GNAI3: variants seen among roughly 807,000 people sequenced by gnomAD.
The protein encoded by GNAI3 is guanine nucleotide-binding protein G(i) subunit alpha-3.
GNAI3 carries 12 observed loss-of-function variants against 41.8 expected under a neutral mutation model. The ratio of observed to expected loss-of-function variants is 0.29; its 90% confidence interval spans 0.18 to 0.47. GNAI3 has a LOEUF of 0.47. GNAI3 is among the 20% of genes least tolerant of loss of function. The pLI, the probability that GNAI3 is intolerant of heterozygous loss-of-function variation, is 1.00. For synonymous variants in GNAI3, 132 were observed against 146.5 expected (o/e 0.90, Z 0.71); for missense variants, 360 against 429.6 (o/e 0.84, Z 1.43).
At chr1:109,571,747 G>T (rs1197442197) in intron 1 of GNAI3, among the ~76,000 whole-genome samples, 2 of 151,998 alleles carry the variant, frequency 1.3e-5, no homozygotes, top group Non-Finnish European at 2.9e-5. Context: ...GTGAAACCCC[G>T]TCTCTACTAA....
rs572667250 is a variant in GNAI3 at position 109,573,642 on chromosome 1, G to A, written c.119-95G>A. The A allele has an allele frequency of 1.7e-4, 176 of 1,031,720 alleles. 1 individual carries two copies. The highest frequency in any genetic ancestry group is 1.6e-3 in the South Asian group (118 of 73,854). 63.9% of individuals were successfully genotyped at this position (1,031,720 alleles called of 1,614,324 possible). A position where few individuals can be genotyped will look rare whatever the true frequency, so the allele number is the denominator to read the frequency against. ...CTCACCAAAATTTTCCCTAGGACCC[G>A]TGGTTTTCATCAATCTAGAGTTATC... On this transcript the variant is annotated intron_variant, in intron 1 of 8. Coordinates refer to ENST00000369851, the MANE Select transcript of GNAI3 (RefSeq NM_006496.4).
chr1:109,566,421 T>A (rs1240400708), intron 1 of GNAI3, among the ~76,000 whole-genome samples: 1 of 152,184 alleles, frequency 6.6e-6, no homozygotes, highest in African/African-American at 2.4e-5. Context: ...GGAGACATGT[T>A]TGTTGAAAAA....
rs1333908429 is a variant in GNAI3 at position 109,599,261 on chromosome 1, T to C, written c.*6939T>C. On this transcript the variant is annotated 3_prime_UTR_variant, in exon 9 of 9. Transcript: ENST00000369851. ...TTGTGATAAAGCATATATAACAAAA[T>C]TTGCCATCTTAAGTGTACAGTTCAG... is the stretch of plus-strand genomic sequence containing the variant. 1 of 197,144 alleles carries C rather than the reference T, an allele frequency of 5.1e-6. No individual in the cohort carries two copies. Among genetic ancestry groups the C allele is most frequent in the Non-Finnish European group, 1.1e-5 (1 of 92,572 alleles). The allele number at this position is 197,144 out of a possible 1,614,324, so 12.2% of individuals were successfully genotyped here. A position where few individuals can be genotyped will look rare whatever the true frequency, so the allele number is the denominator to read the frequency against.
intron 3 of GNAI3, among the ~76,000 whole-genome samples, chr1:109,575,679 T>G (rs551566): frequency 0.86 from 130,824 of 151,552 alleles, 56,772 homozygotes; most frequent in East Asian, 1. Flanking sequence ...TTACAGGCGC[T>G]CACCTCCACG....
At chr1:109,584,678 A>C (rs1203963098) in intron 5 of GNAI3, among the ~76,000 whole-genome samples, 1 of 152,224 alleles carries the variant, frequency 6.6e-6, no homozygotes, top group Non-Finnish European at 1.5e-5. Flanking sequence ...TATGCAAGGC[A>C]TTGTGTAATT....
intron 1 of GNAI3, among the ~76,000 whole-genome samples, chr1:109,565,420 G>C (rs1366424665): frequency 6.6e-6 from 1 of 152,132 alleles, no homozygotes; most frequent in Non-Finnish European, 1.5e-5. Context: ...TGAGGCTAGT[G>C]AGTGAGTCCA....
chr1:109,582,480 C>T lies in GNAI3; in HGVS notation c.505C>T (p.Pro169Ser). ...TAGAATATCCCAGTCTAACTACATTCCAACTCAGCAAGATGTTCTTCGGAC... is the reference window on the plus strand; with the variant it reads ...TAGAATATCCCAGTCTAACTACATTTCAACTCAGCAAGATGTTCTTCGGAC... ...LDRISQSNYI[P>S]TQQDVLRTRV... Residue 169 changes from proline (P) to serine (S), a missense_variant, in exon 5 of 9, where the codon CCA (proline) becomes TCA (serine). Transcript: ENST00000369851. The T allele has an allele frequency of 6.3e-7, 1 of 1,596,918 alleles. No individual in the cohort carries two copies. The highest frequency in any genetic ancestry group is 8.6e-7 in the Non-Finnish European group (1 of 1,164,304).
chr1:109,585,965 A>T (rs1377209484), intron 5 of GNAI3, among the ~76,000 whole-genome samples: 1 of 152,150 alleles, frequency 6.6e-6, no homozygotes, highest in African/African-American at 2.4e-5. Context: ...CACATCTGGT[A>T]CAAGCTTTGA....
chr1:109,590,367 A>G (rs866447822), intron 7 of GNAI3, among the ~76,000 whole-genome samples: 1 of 152,164 alleles, frequency 6.6e-6, no homozygotes, highest in Non-Finnish European at 1.5e-5. Flanking sequence ...TTCCAAGCCT[A>G]TCCTCCATTG....
At chr1:109,587,453 G>A (rs986062334) in intron 7 of GNAI3, among the ~76,000 whole-genome samples, 6 of 152,156 alleles carry the variant, frequency 3.9e-5, no homozygotes, top group Non-Finnish European at 7.4e-5. Flanking sequence ...CTTCTGATGG[G>A]GTCACTGTAG....
chr1:109,565,368 G>A (rs899714850), intron 1 of GNAI3, among the ~76,000 whole-genome samples: 2 of 152,164 alleles, frequency 1.3e-5, no homozygotes, highest in Non-Finnish European at 2.9e-5. Context: ...GATGAGTGCA[G>A]GGGAGATAGG....
intron 4 of GNAI3, among the ~76,000 whole-genome samples, chr1:109,579,584 C>A (rs1326131654): frequency 6.6e-6 from 1 of 152,186 alleles, no homozygotes; most frequent in Non-Finnish European, 1.5e-5. Flanking sequence ...CTTGGCACCA[C>A]AAAATTAGTT....
At chr1:109,574,866 A>G (rs2101101528) in intron 3 of GNAI3, among the ~76,000 whole-genome samples, 1 of 152,362 alleles carries the variant, frequency 6.6e-6, no homozygotes, top group Middle Eastern at 3.4e-3. Flanking sequence ...CTGCCTGGAA[A>G]GGCAAAACCT....
chr1:109,582,665 C>T (rs1467980170), intron 5 of GNAI3, 100 bp downstream of exon 5: 1 of 788,908 alleles, frequency 1.3e-6, no homozygotes, highest in African/African-American at 1.7e-5. Flanking sequence ...GGCAGTATTC[C>T]TTGGTTTAAA....
In GNAI3 at chr1:109,548,650, C is replaced by G; in HGVS notation, c.-71C>G. 9.1e-7 allele frequency: 1 copy of G among 1,097,858 alleles called. No individual in the cohort carries two copies. The highest frequency in any genetic ancestry group is 1.4e-6 in the Non-Finnish European group (1 of 723,314). The allele number at this position is 1,097,858 out of a possible 1,614,324, so 68.0% of individuals were successfully genotyped here. A position where few individuals can be genotyped will look rare whatever the true frequency, so the allele number is the denominator to read the frequency against. On this transcript the variant is annotated 5_prime_UTR_variant, in exon 1 of 9. Coordinates refer to ENST00000369851, the MANE Select transcript of GNAI3 (RefSeq NM_006496.4). ...GCCACCGCCCAGCAATAGACGGTGCCTCAGCCTGCCGAGCCGCAGTTTCCG... is the reference window on the plus strand; with the variant it reads ...GCCACCGCCCAGCAATAGACGGTGCGTCAGCCTGCCGAGCCGCAGTTTCCG...
At chr1:109,574,686 G>T (rs894984356) in intron 3 of GNAI3, among the ~76,000 whole-genome samples, 6 of 152,122 alleles carry the variant, frequency 3.9e-5, no homozygotes, top group African/African-American at 1.4e-4. Context: ...TATGCCATTG[G>T]GGAGGGTGCC....
chr1:109,558,997 T>A (rs937947643), intron 1 of GNAI3, among the ~76,000 whole-genome samples: 1 of 151,822 alleles, frequency 6.6e-6, no homozygotes, highest in Non-Finnish European at 1.5e-5. Flanking sequence ...GCCAGCATGG[T>A]GAAACTCCAT....
intron 1 of GNAI3, among the ~76,000 whole-genome samples, chr1:109,552,640 A>G (rs1405158395): frequency 6.6e-6 from 1 of 152,112 alleles, no homozygotes; most frequent in Non-Finnish European, 1.5e-5. Context: ...CCAATTTAAT[A>G]TTTAATATCA....
intron 7 of GNAI3, chr1:109,591,708 T>C: frequency 5.3e-6 from 2 of 375,112 alleles, no homozygotes; most frequent in Admixed American, 4.3e-5. Flanking sequence ...TTTTAAGCAG[T>C]TGTGTTCCCT....
Sources: allele counts gnomAD v4.1 joint callset (sites outside exome capture counted in the v4.1 genomes callset), GRCh38; gene constraint gnomAD v4.1.1; transcripts MANE v1.5; gene names NCBI Gene and HGNC (gene_info 2026-07-23, HGNC 2026-07-21).